Variants in RLF observed in about 807,000 individuals in gnomAD.
The protein encoded by RLF is zinc finger protein Rlf.
A neutral mutation model predicts 162.9 loss-of-function variants in RLF; 7 were observed. That is an observed-to-expected ratio of 0.04 (90% CI 0.02 to 0.08). The LOEUF (loss-of-function observed/expected upper bound fraction) is 0.08, where lower values mean the gene tolerates loss of function less well. Ranked by LOEUF, RLF falls within the 10% of genes least tolerant of loss-of-function variation. The probability of loss-of-function intolerance (pLI) is 1.00; values close to 1 mark genes in which losing one functional copy is unlikely to be tolerated. For missense variants in RLF, 1,664 were observed against 2,244.7 expected (o/e 0.74, Z 5.23); for synonymous variants, 782 against 791.5 (o/e 0.99, Z 0.20).
chr1:40,224,623 C>CTTTTTTTTTTTTTTTTTTTTT lies in RLF; in HGVS notation c.947+1924_947+1944dup, dbSNP rs1168908018. 3.6e-4 allele frequency among the ~76,000 whole-genome samples: 12 copies of CTTTTTTTTTTTTTTTTTTTTT among 33,262 alleles called. 2 individuals are homozygous for CTTTTTTTTTTTTTTTTTTTTT. Among genetic ancestry groups the CTTTTTTTTTTTTTTTTTTTTT allele is most frequent in the Non-Finnish European group, 3.4e-4 (7 of 20,740 alleles). 21.8% of individuals were successfully genotyped at this position (33,262 alleles called of 152,430 possible). A position where few individuals can be genotyped will look rare whatever the true frequency, so the allele number is the denominator to read the frequency against. ...TTTCCCCTTCCATTGTTTTTGAAAG[C>CTTTTTTTTTTTTTTTTTTTTT]TTTTTTTTTTTTTTTTTTTTTTTTT... On this transcript the variant is annotated intron_variant, in intron 6 of 7. Transcript: ENST00000372771.
chr1:40,199,086 A>C (rs1276074186), intron 4 of RLF, among the ~76,000 whole-genome samples: 1 of 152,224 alleles, frequency 6.6e-6, no homozygotes, highest in Non-Finnish European at 1.5e-5. Flanking sequence ...TTCATATCTC[A>C]TGTAATCCAT....
chr1:40,178,617 GTGTTTTTTTTTTT>G lies in RLF; in HGVS notation c.238-10423_238-10411del, dbSNP rs1456127965. 5.2e-5 allele frequency among the ~76,000 whole-genome samples: 7 copies of G among 134,760 alleles called. No homozygotes were observed. The South Asian group carries it at 6.6e-4, about 13-fold the overall frequency. The allele number at this position is 134,760 out of a possible 152,430, so 88.4% of individuals were successfully genotyped here. A position where few individuals can be genotyped will look rare whatever the true frequency, so the allele number is the denominator to read the frequency against. ...TAGTTTGAACCCAAAGCTGTCTTTGGTGTTTTTTTTTTTTGTTTTTTTTTTTTTTTTGGAGAGA... is the reference window on the plus strand; with the variant it reads ...TAGTTTGAACCCAAAGCTGTCTTTGGTGTTTTTTTTTTTTTTTTGGAGAGA... On this transcript the variant is annotated intron_variant, in intron 1 of 7. Coordinates refer to ENST00000372771, the MANE Select transcript of RLF (RefSeq NM_012421.4).
chr1:40,180,958 G>C (rs1642398231), intron 1 of RLF, among the ~76,000 whole-genome samples: 1 of 152,056 alleles, frequency 6.6e-6, no homozygotes, highest in Admixed American at 6.6e-5. Flanking sequence ...AAAAATAGTT[G>C]CCAAATCCAA....
chr1:40,231,800 G>A (rs989115528), intron 7 of RLF, 142 bp downstream of exon 7: 1 of 696,328 alleles, frequency 1.4e-6, no homozygotes, highest in South Asian at 2.5e-5. Flanking sequence ...ACATCTGACT[G>A]TTTCTCCAGA....
At chr1:40,213,287 A>G (rs962171970) in intron 5 of RLF, among the ~76,000 whole-genome samples, 4 of 152,096 alleles carry the variant, frequency 2.6e-5, no homozygotes, top group African/African-American at 9.7e-5. Flanking sequence ...ATGTGTGGGT[A>G]TTTTGGTTGG....
chr1:40,209,187 G>C (rs567121278), intron 5 of RLF, among the ~76,000 whole-genome samples: 2 of 152,314 alleles, frequency 1.3e-5, no homozygotes, highest in South Asian at 4.1e-4. Context: ...GAGGAGCTTA[G>C]GTAGAGTATG....
chr1:40,198,605 T>C (rs1180371459), intron 4 of RLF, among the ~76,000 whole-genome samples: 2 of 152,210 alleles, frequency 1.3e-5, no homozygotes, highest in Non-Finnish European at 2.9e-5. Flanking sequence ...CCGGCAGAGC[T>C]GTTTTTCAAC....
chr1:40,176,008 A>G (rs898964541), intron 1 of RLF, among the ~76,000 whole-genome samples: 1 of 151,756 alleles, frequency 6.6e-6, no homozygotes, highest in African/African-American at 2.4e-5. Context: ...TTATATAAAT[A>G]CTATAATCAT....
At chr1:40,204,267 G>A (rs543105833) in intron 5 of RLF, among the ~76,000 whole-genome samples, 13 of 151,884 alleles carry the variant, frequency 8.6e-5, no homozygotes, top group African/African-American at 2.4e-4. Context: ...CACACGCCTC[G>A]GCCTCCCAAA....
chr1:40,220,545 T>C (rs1415716163), intron 5 of RLF, among the ~76,000 whole-genome samples: 1 of 152,190 alleles, frequency 6.6e-6, no homozygotes, highest in Non-Finnish European at 1.5e-5. Flanking sequence ...AAAAGTATAC[T>C]CTCTCATTGT....
At chr1:40,164,402 ATATT>A (rs1384471416) in intron 1 of RLF, among the ~76,000 whole-genome samples, 1 of 152,210 alleles carries the variant, frequency 6.6e-6, no homozygotes, top group African/African-American at 2.4e-5. Context: ...CATTCTGGGC[ATATT>A]TTCAATTTTC....
At chr1:40,192,357 G>A (rs1642570541) in intron 3 of RLF, among the ~76,000 whole-genome samples, 1 of 152,020 alleles carries the variant, frequency 6.6e-6, no homozygotes, top group South Asian at 2.1e-4. Context: ...GGAGTAGTTT[G>A]GATTTTGGAA....
intron 6 of RLF, among the ~76,000 whole-genome samples, chr1:40,229,818 A>G (rs958539373): frequency 6.6e-6 from 1 of 152,128 alleles, no homozygotes; most frequent in Non-Finnish European, 1.5e-5. Flanking sequence ...ATAACTACTT[A>G]AAAATTTCAC....
intron 1 of RLF, among the ~76,000 whole-genome samples, chr1:40,180,153 C>A (rs1642387164): frequency 6.6e-6 from 1 of 152,142 alleles, no homozygotes; most frequent in Non-Finnish European, 1.5e-5. Flanking sequence ...TTTGGAGGAA[C>A]CACCATACCA....
chr1:40,238,484 G>T lies in RLF; in HGVS notation c.3782G>T (p.Cys1261Phe). ...TCTGAAACAGATTTGGAATCATCTT[G>T]TGAAGAAACAGAAAGTAAAACATCT... ...CSSETDLESS[C>F]EETESKTSDI... Residue 1261 changes from cysteine (C) to phenylalanine (F), a missense_variant, in exon 8 of 8, where the codon TGT becomes TTT. Around this residue, in one of 15 missense-constraint regions of RLF, gnomAD observed 102 missense variants for 109.5 expected, o/e 0.93. Coordinates refer to ENST00000372771, the MANE Select transcript of RLF (RefSeq NM_012421.4). This position sits in a 1 kb window ranked among gnomAD's most constrained non-coding sequence, Gnocchi z 5.2. 1 of 1,614,080 alleles carries T rather than the reference G, an allele frequency of 6.2e-7. No individual in the cohort carries two copies. Among genetic ancestry groups the T allele is most frequent in the South Asian group, 1.1e-5 (1 of 91,082 alleles).
At chr1:40,181,788 T>A (rs1315835960) in intron 1 of RLF, among the ~76,000 whole-genome samples, 1 of 152,232 alleles carries the variant, frequency 6.6e-6, no homozygotes, top group Non-Finnish European at 1.5e-5. Flanking sequence ...AATAGGAATG[T>A]ACATTGGAAC....
rs1553171849 is a variant in RLF, at chr1:40,173,076, T to TG, written c.237+11440_237+11441insG. 5.2e-4 allele frequency among the ~76,000 whole-genome samples: 77 copies of TG among 148,682 alleles called. 1 individual carries two copies. Among genetic ancestry groups the TG allele is most frequent in the African/African-American group, 1.9e-3 (75 of 39,518 alleles). On this transcript the variant is annotated intron_variant, in intron 1 of 7. Coordinates refer to ENST00000372771, the MANE Select transcript of RLF (RefSeq NM_012421.4). ...TTTGCATTTTAGTAACATTCAGGTTTTTTTTTTTTTTTTTTGTGAGGCAGA... is the reference window on the plus strand; with the variant it reads ...TTTGCATTTTAGTAACATTCAGGTTTGTTTTTTTTTTTTTTTGTGAGGCAGA...
intron 5 of RLF, among the ~76,000 whole-genome samples, chr1:40,208,147 G>A (rs1452231327): frequency 6.6e-6 from 1 of 152,214 alleles, no homozygotes; most frequent in Admixed American, 6.5e-5. Context: ...AATCTGAGAG[G>A]ATTGTCTAGG....
At chr1:40,163,142 A>G (rs750453647) in intron 1 of RLF, among the ~76,000 whole-genome samples, 28 of 152,220 alleles carry the variant, frequency 1.8e-4, no homozygotes, top group Non-Finnish European at 3.5e-4. Context: ...GGTTAATTAT[A>G]AATTGTAGTA....
Sources: gnomAD v4.1 joint callset for allele counts (sites outside exome capture counted in the v4.1 genomes callset) on GRCh38, gnomAD v4.1.1 for gene constraint, gnomAD v4.1.1 regional missense constraint, Gnocchi (gnomAD v3.1) non-coding constraint, MANE v1.5 for transcripts, NCBI Gene and HGNC (gene_info 2026-07-23, HGNC 2026-07-21) for gene names.